The following MANF variants were observed in gnomAD, a reference collection of about 807,000 sequenced individuals.
MANF encodes mesencephalic astrocyte derived neurotrophic factor.
MANF carries 9 observed loss-of-function variants against 19.1 expected under a neutral mutation model. The observed-to-expected ratio is 0.47, with a 90% CI of 0.28 to 0.82. MANF has a LOEUF of 0.82. MANF is among the 40% of genes least tolerant of loss of function. The probability of loss-of-function intolerance (pLI) is 0.10; values close to 1 mark genes in which losing one functional copy is unlikely to be tolerated. For synonymous variants in MANF, 89 were observed against 88.0 expected, an observed-to-expected ratio of 1.01 and a Z score of -0.06; for missense variants, 225 against 226.7, an observed-to-expected ratio of 0.99 and a Z score of 0.05.
chr3:51,386,424 C>G, intron 2 of MANF, 89 bp downstream of exon 2: 2 of 1,463,362 alleles, frequency 1.4e-6, no homozygotes, highest in Non-Finnish European at 1.9e-6. Flanking sequence ...TTGCCCACCT[C>G]TCTGTTCAGG....
chr3:51,388,875 G>C, intron 3 of MANF, 30 bp from the exon 4 acceptor site: 1 of 1,520,610 alleles, frequency 6.6e-7, no homozygotes, highest in Non-Finnish European at 8.8e-7. Context: ...GCTCCACCCA[G>C]TCAGTGACTC....
At chr3:51,385,470 G>GACCC in intron 1 of MANF, 34 bp downstream of exon 1, 1 of 1,135,506 alleles carries the variant, frequency 8.8e-7, no homozygotes. Context: ...CGCGCTCCGT[G>GACCC]ACCGTTCTGG....
At chr3:51,386,360 A>G (rs903434020) in intron 2 of MANF, 25 bp downstream of exon 2, 4 of 1,613,196 alleles carry the variant, frequency 2.5e-6, no homozygotes, top group Non-Finnish European at 2.5e-6. Flanking sequence ...ATCCTCCCCA[A>G]CTGGCCCTGG....
rs2088994698 is a variant in MANF, at chr3:51,389,076, G to A, written c.536G>A (p.Arg179Gln). 3.1e-6 allele frequency: 5 copies of A among 1,611,816 alleles called. No individual in the cohort carries two copies. The highest frequency in any genetic ancestry group is 1.7e-5 in the Admixed American group (1 of 59,708). ...PKYAPKAASA[R>Q]TDL ...TATGCCCCCAAGGCAGCCAGTGCACGGACCGATTTGTAGTCTGCTCAATCT... is the reference window on the plus strand; with the variant it reads ...TATGCCCCCAAGGCAGCCAGTGCACAGACCGATTTGTAGTCTGCTCAATCT... The change falls in exon 4 of 4, where the codon CGG becomes CAG. Residue 179 changes from arginine (R) to glutamine (Q), a missense_variant. Physicochemically the swap from Arg to Gln is conservative, Grantham distance 43. Coordinates refer to ENST00000528157, the MANE Select transcript of MANF (RefSeq NM_006010.6).
intron 1 of MANF, chr3:51,385,984 G>A (rs1553620818): frequency 5.3e-6 from 3 of 562,350 alleles, no homozygotes; most frequent in Non-Finnish European, 9.5e-6. Context: ...ATAGGTCATT[G>A]GGTGATGCTT....
At chr3:51,387,252 C>A (rs1245385317) in intron 2 of MANF, among the ~76,000 whole-genome samples, 3 of 152,164 alleles carry the variant, frequency 2.0e-5, no homozygotes, top group Non-Finnish European at 2.9e-5. Context: ...GTCAGGAGTT[C>A]AAGACCAGCC....
Position 51,385,421 on chromosome 3 carries a change from C to T in MANF, c.79C>T (p.Pro27Ser), listed in dbSNP as rs2088935623. 2.4e-6 allele frequency: 3 copies of T among 1,236,036 alleles called. No homozygotes were observed. In the East Asian group the frequency reaches 9.5e-5, roughly 39 times the overall value. 76.6% of individuals were successfully genotyped at this position (1,236,036 alleles called of 1,614,324 possible). Residue 27 changes from proline (P) to serine (S), a missense_variant, in exon 1 of 4, where the codon CCG becomes TCG. By Grantham distance (74) the Pro-to-Ser change is moderately conservative (BLOSUM62 -1). Transcript: ENST00000528157. ...GCTGCCGGGCAGCCGGGCGCTGCGG[C>T]CGGGCGACTGCGAAGGTGCGGGATA... is the stretch of plus-strand genomic sequence containing the variant. ...SVLPGSRALR[P>S]GDCEVCISYL...
chr3:51,388,838 C>T (rs2106637664), intron 3 of MANF, 67 bp from the exon 4 acceptor site: 1 of 1,253,310 alleles, frequency 8.0e-7, no homozygotes, highest in South Asian at 1.5e-5. Context: ...GAGTGACATA[C>T]TCTGGGACTA....
chr3:51,386,791 G>T, intron 2 of MANF: 1 of 444,350 alleles, frequency 2.3e-6, no homozygotes, highest in Non-Finnish European at 4.5e-6. Context: ...GACAGGAGAA[G>T]GTGACAGGGT....
chr3:51,388,074 A>G (rs192728406), intron 3 of MANF, among the ~76,000 whole-genome samples, 196 bp downstream of exon 3: 1 of 152,280 alleles, frequency 6.6e-6, no homozygotes, highest in East Asian at 1.9e-4. Context: ...TATTTCAGCA[A>G]ACTTTGAAGG....
intron 2 of MANF, among the ~76,000 whole-genome samples, chr3:51,387,329 G>A (rs56368293): frequency 0.015 from 2,239 of 152,196 alleles, 56 homozygotes; most frequent in African/African-American, 0.051. Flanking sequence ...GGTGACAGGC[G>A]CCTGTAATCC....
At position 51,389,145 on chromosome 3, in the gene MANF, C is replaced by G. The variant is rs986486101; in HGVS notation, c.*56C>G. ...AAAAAACAGTTCAACTGCTTACTCC[C>G]AAAACAGCCTTTTTGTAATTTATTT... is the stretch of plus-strand genomic sequence containing the variant. On this transcript the variant is annotated 3_prime_UTR_variant, in exon 4 of 4. Transcript: ENST00000528157. 1.3e-6 allele frequency: 2 copies of G among 1,483,464 alleles called. No individual in the cohort carries two copies. The highest frequency in any genetic ancestry group is 1.8e-6 in the Non-Finnish European group (2 of 1,088,440). The allele number at this position is 1,483,464 out of a possible 1,614,324, so 91.9% of individuals were successfully genotyped here.
intron 3 of MANF, 60 bp downstream of exon 3, chr3:51,387,938 C>T: frequency 1.3e-6 from 2 of 1,551,928 alleles, no homozygotes; most frequent in East Asian, 4.5e-5. Context: ...TGTTTCCCAT[C>T]TGGGAGAGGA....
At chr3:51,385,758 TC>T (rs2088947105) in intron 1 of MANF, 1 of 293,174 alleles carries the variant, frequency 3.4e-6, no homozygotes, top group Non-Finnish European at 6.3e-6. Flanking sequence ...CGTCGGGAGC[TC>T]CAGGGCTGGC....
At chr3:51,386,432 A>G in intron 2 of MANF, 97 bp downstream of exon 2, 1 of 1,370,118 alleles carries the variant, frequency 7.3e-7, no homozygotes, top group South Asian at 1.3e-5. Flanking sequence ...CTCTCTGTTC[A>G]GGAAGCCAGC....
At position 51,386,028 on chromosome 3, in the gene MANF, C is replaced by G. The variant is rs572713329; in HGVS notation, c.95-180C>G. On this transcript the variant is annotated intron_variant, in intron 1 of 3. Transcript: ENST00000528157. ...GATGCCCTGGGTGTACCAGGGGACC[C>G]CCGCCACTTGGAACCGGGTTCTGTC... The G allele has an allele frequency of 9.4e-5, 59 of 624,912 alleles. No homozygotes were observed. The South Asian group carries it at 1.1e-3, about 12-fold the overall frequency. The allele number at this position is 624,912 out of a possible 1,614,324, so 38.7% of individuals were successfully genotyped here.
Position 51,385,516 on chromosome 3 carries a change from CG to C in MANF, c.94+84del. On this transcript the variant is annotated intron_variant, in intron 1 of 3. Coordinates refer to ENST00000528157, the MANE Select transcript of MANF (RefSeq NM_006010.6). ...GAACCCCACAACATCACCAGACGGC[CG>C]GGGCCAAGAGGGCGAGGGCGGGGGC... 3.8e-5 allele frequency: 5 copies of C among 130,302 alleles called. 1 individual carries two copies. The Admixed American group carries it at 7.3e-4, about 19-fold the overall frequency. The allele number at this position is 130,302 out of a possible 1,614,324, so 8.1% of individuals were successfully genotyped here. A position where few individuals can be genotyped will look rare whatever the true frequency, so the allele number is the denominator to read the frequency against.
chr3:51,385,404 G>GCAAGC lies in MANF; in HGVS notation c.64_65insAGCCA (p.Ser22LysfsTer42). The GCAAGC allele has an allele frequency of 1.6e-6, 2 of 1,238,058 alleles. No individual in the cohort carries two copies. The highest frequency in any genetic ancestry group is 2.0e-6 in the Non-Finnish European group (2 of 989,448). 76.7% of individuals were successfully genotyped at this position (1,238,058 alleles called of 1,614,324 possible). A position where few individuals can be genotyped will look rare whatever the true frequency, so the allele number is the denominator to read the frequency against. ...GCGCTGGCTCTGAGCGTGCTGCCGG[G>GCAAGC]CAGCCGGGCGCTGCGGCCGGGCGAC... On this transcript the variant is annotated frameshift_variant, in exon 1 of 4. Transcript: ENST00000528157. LOFTEE classifies it high-confidence loss of function.
At chr3:51,386,070 AG>A in intron 1 of MANF, 137 bp from the exon 2 acceptor site, 1 of 941,034 alleles carries the variant, frequency 1.1e-6, no homozygotes, top group South Asian at 1.7e-5. Context: ...TAGACACCTG[AG>A]AAAAATCGGT....
Sources: allele counts gnomAD v4.1 joint callset (sites outside exome capture counted in the v4.1 genomes callset), GRCh38; gene constraint gnomAD v4.1.1; transcripts MANE v1.5; gene names NCBI Gene and HGNC (gene_info 2026-07-23, HGNC 2026-07-21).